DAB1: variants seen among roughly 807,000 people sequenced by gnomAD.
DAB1 encodes the protein DAB adaptor protein 1.
DAB1 carries 15 observed loss-of-function variants against 64.6 expected under a neutral mutation model. The ratio of observed to expected loss-of-function variants is 0.23; its 90% CI spans 0.16 to 0.36. The LOEUF is 0.36. Among genes scored for constraint, DAB1 ranks in the 10% least tolerant of loss-of-function variants. The pLI is 1.00. For missense variants in DAB1, 596 were observed against 706.7 expected, an observed-to-expected ratio of 0.84 and a Z score of 1.78; for synonymous variants, 235 against 251.9, an observed-to-expected ratio of 0.93 and a Z score of 0.64.
chr1:57,641,494 C>T (rs917684681), intron 7 of DAB1, among the ~76,000 whole-genome samples: 1 of 148,292 alleles, frequency 6.7e-6, no homozygotes, highest in African/African-American at 2.5e-5. Flanking sequence ...CGCCATTCTC[C>T]TGCCTCAGCC....
rs1645477113 is a variant in DAB1 at position 58,481,228 on chromosome 1, A to G, written n.257+24832T>C. On this transcript the variant is annotated intron_variant and non_coding_transcript_variant, in intron 3 of 20. Coordinates refer to the DAB1 transcript ENST00000485760. ...ACTATATATATACATCAATGTATTC[A>G]GATTGTTTCAGTAATCCCTAATATG... The G allele has an allele frequency of 6.9e-6, 4 of 583,400 alleles. No individual in the cohort carries two copies. In the South Asian group the frequency reaches 1.2e-4, roughly 17 times the overall value. The allele number at this position is 583,400 out of a possible 1,614,324, so 36.1% of individuals were successfully genotyped here.
intron 7 of DAB1, among the ~76,000 whole-genome samples, chr1:57,625,967 T>C (rs1177390299): frequency 4.6e-5 from 7 of 152,204 alleles, no homozygotes; most frequent in East Asian, 1.9e-4. Context: ...ATTAGCATTG[T>C]AATTATATGA....
At chr1:57,524,637 G>A (rs1472437064) in intron 7 of DAB1, among the ~76,000 whole-genome samples, 1 of 152,192 alleles carries the variant, frequency 6.6e-6, no homozygotes, top group Non-Finnish European at 1.5e-5. Context: ...ACCTCCTTAA[G>A]GGTGGGGGAA....
intron 3 of DAB1, among the ~76,000 whole-genome samples, chr1:58,393,297 C>T (rs1644491792): frequency 6.6e-6 from 1 of 152,024 alleles, no homozygotes; most frequent in African/African-American, 2.4e-5. Flanking sequence ...GCAGATAATA[C>T]AAGTTAATGC....
chr1:57,792,488 C>T (rs1337703961), intron 6 of DAB1, among the ~76,000 whole-genome samples: 2 of 152,184 alleles, frequency 1.3e-5, no homozygotes, highest in Non-Finnish European at 2.9e-5. Context: ...TTTTTAGATT[C>T]CAAAAGCAGT....
intron 3 of DAB1, among the ~76,000 whole-genome samples, chr1:58,389,523 A>G (rs1644459986): frequency 6.6e-6 from 1 of 152,192 alleles, no homozygotes; most frequent in Admixed American, 6.5e-5. Context: ...ATGGCATAGG[A>G]TTAAGAGTTC....
intron 7 of DAB1, among the ~76,000 whole-genome samples, chr1:57,547,340 C>T (rs12069041): frequency 0.01 from 1,594 of 152,082 alleles, 22 homozygotes; most frequent in African/African-American, 0.037. Context: ...AAAAGAGTAC[C>T]TAAAATTTAA....
At chr1:57,213,004 A>G (rs1666146402) in intron 2 of DAB1, among the ~76,000 whole-genome samples, 1 of 152,178 alleles carries the variant, frequency 6.6e-6, no homozygotes, top group South Asian at 2.1e-4. Context: ...GCAAAGGACT[A>G]GAGGACAATA....
intron 1 of DAB1, among the ~76,000 whole-genome samples, chr1:57,409,179 G>C (rs1335778801): frequency 6.6e-6 from 1 of 152,114 alleles, no homozygotes; most frequent in Non-Finnish European, 1.5e-5. Flanking sequence ...GCACCTCCTG[G>C]GGTCTATCAT....
At chr1:57,293,537 A>G (rs972591080) in intron 1 of DAB1, among the ~76,000 whole-genome samples, 20 of 152,136 alleles carry the variant, frequency 1.3e-4, no homozygotes, top group Admixed American at 1.2e-3. Flanking sequence ...CATTTAATAA[A>G]TATTAGGCAC....
At chr1:58,499,826 CT>C (rs927082167) in intron 3 of DAB1, among the ~76,000 whole-genome samples, 43 of 151,210 alleles carry the variant, frequency 2.8e-4, no homozygotes, top group African/African-American at 9.7e-4. Context: ...GAAAAAAAAA[CT>C]GGCTATATTT....
In DAB1 at chr1:57,015,059, G is replaced by A; in HGVS notation, c.1268C>T (p.Pro423Leu). 6.2e-7 allele frequency: 1 copy of A among 1,614,164 alleles called. No homozygotes were observed. Reference sequence around the variant, plus strand: ...GGGTTTGCGGGAGGGCACGGGCGGAGGCTGGGCCATCTGGAAATCCTTAAA... The same window carrying A: ...GGGTTTGCGGGAGGGCACGGGCGGAAGCTGGGCCATCTGGAAATCCTTAAA... Reference protein sequence around the residue: ...ETFKDFQMAQPPPVPSRKPDQ... With the variant: ...ETFKDFQMAQLPPVPSRKPDQ... Residue 423 changes from proline (P) to leucine (L), a missense_variant, in exon 12 of 15, where the codon CCT becomes CTT. By Grantham distance (98) the Pro-to-Leu change is moderately conservative. Coordinates refer to ENST00000371236, the MANE Select transcript of DAB1 (RefSeq NM_001365792.1).
At chr1:57,949,180 A>T (rs973698597) in intron 5 of DAB1, among the ~76,000 whole-genome samples, 1 of 150,826 alleles carries the variant, frequency 6.6e-6, no homozygotes, top group African/African-American at 2.4e-5. Flanking sequence ...GGCTGGGGGG[A>T]TGGTTTGGGG....
At chr1:58,347,374 C>T (rs1240396454) in intron 3 of DAB1, among the ~76,000 whole-genome samples, 1 of 152,200 alleles carries the variant, frequency 6.6e-6, no homozygotes, top group African/African-American at 2.4e-5. Flanking sequence ...TCCCAAAGTG[C>T]TGATTGCAGG....
Position 58,034,534 on chromosome 1 carries a change from T to C in DAB1, n.387+115977A>G, listed in dbSNP as rs577674612. On this transcript the variant is annotated intron_variant and non_coding_transcript_variant, in intron 5 of 20. Transcript: ENST00000485760. ...GCTGTGCAATAATAGATAACAAATATAGATGTTTCTCTAAATATCAGTAAC... is the reference window on the plus strand; with the variant it reads ...GCTGTGCAATAATAGATAACAAATACAGATGTTTCTCTAAATATCAGTAAC... Among the ~76,000 whole-genome samples, 8 of 152,328 alleles carry C rather than the reference T, an allele frequency of 5.3e-5. No individual in the cohort carries two copies. In the South Asian group the frequency reaches 6.2e-4, roughly 12 times the overall value.
At chr1:58,082,696 G>A (rs1650069993) in intron 5 of DAB1, among the ~76,000 whole-genome samples, 1 of 151,982 alleles carries the variant, frequency 6.6e-6, no homozygotes, top group Non-Finnish European at 1.5e-5. Context: ...AGAGGAGAAG[G>A]GCATTTCAGG....
At chr1:57,721,070 C>T (rs1407811891) in intron 6 of DAB1, among the ~76,000 whole-genome samples, 2 of 152,154 alleles carry the variant, frequency 1.3e-5, no homozygotes, top group East Asian at 3.9e-4. Context: ...TTTTTTCCTA[C>T]CCAGCCCTCC....
chr1:57,058,731 T>C (rs1208623632), intron 9 of DAB1, among the ~76,000 whole-genome samples: 1 of 152,200 alleles, frequency 6.6e-6, no homozygotes, highest in Non-Finnish European at 1.5e-5. Context: ...AAAGACCGAA[T>C]AGAGCAAAGG....
chr1:57,416,841 T>A (rs1164211004), intron 1 of DAB1, among the ~76,000 whole-genome samples: 1 of 152,188 alleles, frequency 6.6e-6, no homozygotes, highest in Admixed American at 6.5e-5. Context: ...ACAGCTATAT[T>A]TCCTTTCCCT....
Sources: allele counts gnomAD v4.1 joint callset (sites outside exome capture counted in the v4.1 genomes callset), GRCh38; gene constraint gnomAD v4.1.1; transcripts MANE v1.5; gene names NCBI Gene and HGNC (gene_info 2026-07-23, HGNC 2026-07-21).